CAMTA1: variants seen among roughly 807,000 people sequenced by gnomAD.
CAMTA1 encodes the protein calmodulin-binding transcription activator 1.
In CAMTA1, 27 loss-of-function variants were observed where a neutral mutation model predicts 170.9. The observed-to-expected ratio is 0.16, with a 90% CI of 0.12 to 0.22. The LOEUF is 0.22. Among genes scored for constraint, CAMTA1 ranks in the 10% least tolerant of loss-of-function variants. The pLI, the probability that CAMTA1 is intolerant of heterozygous loss-of-function variation, is 1.00. For synonymous variants in CAMTA1, 833 were observed against 891.5 expected, an observed-to-expected ratio of 0.93 and a Z score of 1.17; for missense variants, 1,619 against 2,217.2, an observed-to-expected ratio of 0.73 and a Z score of 5.42.
chr1:7,737,454 A>T lies in CAMTA1; in HGVS notation c.3542A>T (p.His1181Leu), dbSNP rs1280981383. ...CAGCTGGGACAGAACCCCAGAATCC[A>T]CTGTCCTGCAAGCGAAGAGCCCAGC... ...QAQLGQNPRI[H>L]CPASEEPSTE... Residue 1181 changes from histidine to leucine, a missense_variant, in exon 15 of 23, where the codon CAC becomes CTC. By Grantham distance (99) the His-to-Leu change is moderately conservative. This residue lies in a region of CAMTA1 where 370 missense variants were observed against 429.4 expected (regional missense o/e 0.86). Coordinates refer to ENST00000303635, the MANE Select transcript of CAMTA1 (RefSeq NM_015215.4). 6.2e-7 allele frequency: 1 copy of T among 1,614,008 alleles called. No homozygotes were observed. The highest frequency in any genetic ancestry group is 1.3e-5 in the African/African-American group (1 of 74,942).
At chr1:7,075,159 A>G (rs1390079466) in intron 3 of CAMTA1, among the ~76,000 whole-genome samples, 1 of 152,118 alleles carries the variant, frequency 6.6e-6, no homozygotes, top group Non-Finnish European at 1.5e-5. Flanking sequence ...CTTGGTCACA[A>G]CTTTGGTCAT....
rs546137764 is a variant in CAMTA1 at position 7,221,868 on chromosome 1, C to T, written c.303-27623C>T. ...GACTGCCTTGTGCCATGGGTGACCC[C>T]TGCCTTCCTTCAGAGGGCATGTGCA... On this transcript the variant is annotated intron_variant, in intron 4 of 22. Transcript: ENST00000303635. 1.6e-3 allele frequency among the ~76,000 whole-genome samples: 250 copies of T among 151,832 alleles called. 2 individuals are homozygous for T. The highest frequency in any genetic ancestry group is 5.8e-3 in the African/African-American group (238 of 41,136).
chr1:6,926,060 C>T (rs1209720127), intron 3 of CAMTA1, among the ~76,000 whole-genome samples: 1 of 152,250 alleles, frequency 6.6e-6, no homozygotes, highest in East Asian at 1.9e-4. Context: ...CTGTTCCTCC[C>T]TGTGTCATCT....
Position 7,467,849 on chromosome 1 carries a change from T to A in CAMTA1, c.458T>A (p.Val153Asp). 6.2e-7 allele frequency: 1 copy of A among 1,614,018 alleles called. No individual in the cohort carries two copies. The highest frequency in any genetic ancestry group is 8.5e-7 in the Non-Finnish European group (1 of 1,179,854). Reference sequence around the variant, plus strand: ...CCCTAGTGCTTGTACGGCTGCTATGTCCATTCCTCCATCATCCCCACCTTC... The same window carrying A: ...CCCTAGTGCTTGTACGGCTGCTATGACCATTCCTCCATCATCCCCACCTTC... Reference protein sequence around the residue: ...QGVECLYGCYVHSSIIPTFHR... With the variant: ...QGVECLYGCYDHSSIIPTFHR... Residue 153 changes from valine to aspartate, a missense_variant, in exon 6 of 23, where the codon GTC becomes GAC. By Grantham distance (152) the Val-to-Asp change is radical. Transcript: ENST00000303635.
chr1:7,153,852 T>A (rs1221203364), intron 4 of CAMTA1, among the ~76,000 whole-genome samples: 5 of 152,144 alleles, frequency 3.3e-5, no homozygotes, highest in Non-Finnish European at 7.3e-5. Flanking sequence ...GACATGCTGT[T>A]AAAAGGCTGG....
At chr1:6,791,777 A>G (rs1440274967) in intron 1 of CAMTA1, among the ~76,000 whole-genome samples, 1 of 152,086 alleles carries the variant, frequency 6.6e-6, no homozygotes, top group Non-Finnish European at 1.5e-5. Flanking sequence ...ATTTTTCTTG[A>G]ATACCTAATC....
At chr1:6,902,999 A>G (rs1677469829) in intron 3 of CAMTA1, among the ~76,000 whole-genome samples, 2 of 152,258 alleles carry the variant, frequency 1.3e-5, no homozygotes, top group Non-Finnish European at 2.9e-5. Flanking sequence ...ATATGTTCCC[A>G]AAAGAACTTA....
At chr1:7,048,998 A>C (rs1558023458) in intron 3 of CAMTA1, among the ~76,000 whole-genome samples, 1 of 152,230 alleles carries the variant, frequency 6.6e-6, no homozygotes, top group Admixed American at 6.5e-5. Flanking sequence ...ACTCAGGCCG[A>C]CTTAGGAAAG....
intron 7 of CAMTA1, among the ~76,000 whole-genome samples, chr1:7,658,976 C>A (rs2095930332): frequency 6.6e-6 from 1 of 152,220 alleles, no homozygotes; most frequent in South Asian, 2.1e-4. Flanking sequence ...AAGTTCTGAA[C>A]ATGGCGGCTT....
At chr1:7,516,690 G>A (rs1405331638) in intron 6 of CAMTA1, among the ~76,000 whole-genome samples, 3 of 152,160 alleles carry the variant, frequency 2.0e-5, no homozygotes, top group Admixed American at 6.5e-5. Flanking sequence ...GGACTGAGGT[G>A]GTCACACCCA....
Position 7,570,533 on chromosome 1 carries a change from T to G in CAMTA1, c.511-69867T>G, listed in dbSNP as rs1309499691. On this transcript the variant is annotated intron_variant, in intron 6 of 22. Transcript: ENST00000303635. This position sits in a 1 kb window ranked among gnomAD's most constrained non-coding sequence, Gnocchi z 4.3. ...GCCCCAGCCAGAGACCTGGAGGCTG[T>G]TCTGCTATCAACTTTTAATTAAGGA... Among the ~76,000 whole-genome samples the G allele has an allele frequency of 1.3e-5, 2 of 152,206 alleles. No homozygotes were observed. The highest frequency in any genetic ancestry group is 2.9e-5 in the Non-Finnish European group (2 of 68,032).
At chr1:6,804,711 A>C (rs1644312854) in intron 1 of CAMTA1, among the ~76,000 whole-genome samples, 1 of 151,876 alleles carries the variant, frequency 6.6e-6, no homozygotes, top group Non-Finnish European at 1.5e-5. Flanking sequence ...CCTTTTTTAA[A>C]ATTAAAAAAT....
At chr1:7,618,099 C>G (rs1038935685) in intron 6 of CAMTA1, among the ~76,000 whole-genome samples, 7 of 152,202 alleles carry the variant, frequency 4.6e-5, no homozygotes, top group Admixed American at 4.6e-4. Context: ...TGGGGGCCAT[C>G]ATCATACCTT....
intron 3 of CAMTA1, among the ~76,000 whole-genome samples, chr1:6,856,643 ATAAT>A (rs1443537412): frequency 1.2e-4 from 19 of 152,290 alleles, no homozygotes; most frequent in Admixed American, 7.2e-4. Context: ...CATTGAGCAG[ATAAT>A]TAATTATAAG....
chr1:7,698,076 C>CT (rs1491196392), intron 11 of CAMTA1, among the ~76,000 whole-genome samples: 1,094 of 7,826 alleles, frequency 0.14, 29 homozygotes, highest in African/African-American at 0.32. Context: ...GCACTGTGAC[C>CT]CCCCCCCCCC....
intron 11 of CAMTA1, among the ~76,000 whole-genome samples, chr1:7,683,458 C>T (rs2096230433): frequency 6.6e-6 from 1 of 152,068 alleles, no homozygotes; most frequent in African/African-American, 2.4e-5. Flanking sequence ...CCCCCACCTA[C>T]CCTCTCCCAC....
chr1:7,502,791 G>A (rs936871986), intron 6 of CAMTA1, among the ~76,000 whole-genome samples: 2 of 152,196 alleles, frequency 1.3e-5, no homozygotes, highest in African/African-American at 2.4e-5. Context: ...GGGCTTAGTG[G>A]GGGATGTGTA....
intron 3 of CAMTA1, among the ~76,000 whole-genome samples, chr1:6,937,451 T>TCAC (rs1685569715): frequency 5.8e-4 from 1 of 1,738 alleles, no homozygotes; most frequent in African/African-American, 2.0e-3. Flanking sequence ...ATCACCATCA[T>TCAC]CATTCACCAC....
In CAMTA1 at chr1:7,532,502, A is replaced by C. The variant is rs772521500; in HGVS notation, c.510+64601A>C. Among the ~76,000 whole-genome samples the C allele has an allele frequency of 6.6e-6, 1 of 151,684 alleles. No individual in the cohort carries two copies. Among genetic ancestry groups the C allele is most frequent in the Non-Finnish European group, 1.5e-5 (1 of 67,956 alleles). On this transcript the variant is annotated intron_variant, in intron 6 of 22. Transcript: ENST00000303635. The surrounding 1 kb of genome is among the most constrained non-coding windows in gnomAD (Gnocchi z 4.2). ...TTGTTTTAGGGACGGGGCTCTTACC[A>C]TGTTGCCCAGGTTGGTCTTGAACTC...
Sources: allele counts gnomAD v4.1 joint callset (sites outside exome capture counted in the v4.1 genomes callset), GRCh38; gene constraint gnomAD v4.1.1; regional missense constraint gnomAD v4.1.1; non-coding constraint Gnocchi (gnomAD v3.1); transcripts MANE v1.5; gene names NCBI Gene and HGNC (gene_info 2026-07-23, HGNC 2026-07-21).